Variants in MAPK10 observed in about 807,000 individuals in gnomAD.
MAPK10 encodes mitogen-activated protein kinase 10.
In MAPK10, 25 loss-of-function variants were observed where a neutral mutation model predicts 59.3. The ratio of observed to expected loss-of-function variants is 0.42; its 90% CI spans 0.31 to 0.59. MAPK10 has a LOEUF of 0.59. Ranked by LOEUF, MAPK10 falls within the 20% of genes least tolerant of loss-of-function variation. The pLI is 0.15. For missense variants in MAPK10, 351 were observed against 568.9 expected (o/e 0.62, Z 3.90); for synonymous variants, 190 against 200.5 (o/e 0.95, Z 0.44).
intron 1 of MAPK10, among the ~76,000 whole-genome samples, chr4:86,502,165 T>C (rs1485676844): frequency 6.6e-6 from 1 of 152,034 alleles, no homozygotes; most frequent in Non-Finnish European, 1.5e-5. Flanking sequence ...TCTCCATTTT[T>C]TTTCCTCCTC....
At chr4:86,250,159 T>C (rs2093337850) in intron 2 of MAPK10, among the ~76,000 whole-genome samples, 1 of 152,210 alleles carries the variant, frequency 6.6e-6, no homozygotes, top group Admixed American at 6.5e-5. Context: ...CTCATAGGAA[T>C]GCCGATCTTT....
At chr4:86,085,272 T>C (rs1200030376) in intron 9 of MAPK10, among the ~76,000 whole-genome samples, 1 of 152,126 alleles carries the variant, frequency 6.6e-6, no homozygotes, top group Non-Finnish European at 1.5e-5. Flanking sequence ...TAAAAACTTC[T>C]GCACAGCAAA....
chr4:86,023,955 G>A (rs1560635229), intron 13 of MAPK10: 1 of 150,582 alleles, frequency 6.6e-6, no homozygotes, highest in Admixed American at 6.6e-5. Flanking sequence ...CTGGTTTTAT[G>A]AGAAAATAAC....
At position 86,064,279 on chromosome 4, in the gene MAPK10, G is replaced by A. The variant is rs1342852403; in HGVS notation, c.1097C>T (p.Ala366Val). ...HPYINVWYDPAEVEAPPPQIY... is the reference protein window; with the variant it reads ...HPYINVWYDPVEVEAPPPQIY... ...CCTATTTCTTACCGCCTCCACTTCG[G>A]CTGGGTCATACCAGACGTTGATGTA... The change falls in exon 11 of 14, where the codon GCC becomes GTC. Residue 366 changes from alanine to valine, a missense_variant. By Grantham distance (64) the Ala-to-Val change is moderately conservative. Transcript: ENST00000641462. 6.2e-7 allele frequency: 1 copy of A among 1,613,918 alleles called. No individual in the cohort carries two copies. The highest frequency in any genetic ancestry group is 8.5e-7 in the Non-Finnish European group (1 of 1,179,986).
chr4:86,456,192 T>C (rs746761831), upstream of MAPK10, among the ~76,000 whole-genome samples: 9 of 152,126 alleles, frequency 5.9e-5, no homozygotes, highest in Non-Finnish European at 1.0e-4. Flanking sequence ...TCTAAATGCC[T>C]ACATAAAAAT....
In MAPK10 at chr4:86,131,302, G is replaced by A. The variant is rs371305941; in HGVS notation, c.237-23950C>T. 2.0e-5 allele frequency among the ~76,000 whole-genome samples: 3 copies of A among 152,214 alleles called. No homozygotes were observed. In the East Asian group the frequency reaches 5.8e-4, roughly 29 times the overall value. ...TTTGTTTTTATTATCTAGCTAACAG[G>A]CATACAGACAGTTTAAGTGTTTAAG... On this transcript the variant is annotated intron_variant, in intron 4 of 13. Coordinates refer to ENST00000641462, the MANE Select transcript of MAPK10 (RefSeq NM_138982.4).
At chr4:86,435,259 G>A (rs1467885630) in intron 1 of MAPK10, among the ~76,000 whole-genome samples, 1 of 152,134 alleles carries the variant, frequency 6.6e-6, no homozygotes, top group African/African-American at 2.4e-5. Flanking sequence ...CACTTTGGGA[G>A]GCTGAGGCGG....
At chr4:86,233,939 G>A (rs1264189919) in intron 2 of MAPK10, among the ~76,000 whole-genome samples, 1 of 152,180 alleles carries the variant, frequency 6.6e-6, no homozygotes, top group Non-Finnish European at 1.5e-5. Flanking sequence ...ATTCTAGATA[G>A]GACTTGCAGT....
intron 1 of MAPK10, among the ~76,000 whole-genome samples, chr4:86,376,914 T>G (rs751764926): frequency 6.6e-6 from 1 of 152,208 alleles, no homozygotes; most frequent in Non-Finnish European, 1.5e-5. Context: ...AAAACCTCTG[T>G]GGGGAAGTCT....
intron 1 of MAPK10, among the ~76,000 whole-genome samples, chr4:86,394,530 T>C (rs1742660919): frequency 1.3e-5 from 2 of 152,286 alleles, no homozygotes; most frequent in African/African-American, 4.8e-5. Flanking sequence ...AAATAATATT[T>C]AAAATAATTT....
At chr4:86,157,045 A>G (rs761000337) in intron 4 of MAPK10, among the ~76,000 whole-genome samples, 27 of 152,022 alleles carry the variant, frequency 1.8e-4, no homozygotes, top group Non-Finnish European at 7.4e-5. Context: ...CTCAACATTG[A>G]CATTTTTGAC....
chr4:86,548,765 A>C (rs1051995408), intron 1 of MAPK10, among the ~76,000 whole-genome samples: 19 of 152,036 alleles, frequency 1.2e-4, no homozygotes, highest in African/African-American at 4.6e-4. Flanking sequence ...TGCCACTCTG[A>C]CCCTGGTGAT....
upstream of MAPK10, among the ~76,000 whole-genome samples, chr4:86,454,149 C>G (rs907698193): frequency 1.3e-5 from 2 of 152,170 alleles, no homozygotes; most frequent in Non-Finnish European, 2.9e-5. Flanking sequence ...TCTGACAGAG[C>G]CTACCCAAAT....
chr4:86,210,651 T>C (rs2085507482), intron 2 of MAPK10, among the ~76,000 whole-genome samples: 1 of 151,340 alleles, frequency 6.6e-6, no homozygotes, highest in South Asian at 2.1e-4. Flanking sequence ...AATTAAAAAC[T>C]TTAAAAGGAA....
At chr4:86,105,976 C>T (rs1450654031) in intron 5 of MAPK10, among the ~76,000 whole-genome samples, 1 of 152,098 alleles carries the variant, frequency 6.6e-6, no homozygotes, top group Non-Finnish European at 1.5e-5. Flanking sequence ...ACACATTGAC[C>T]TGTCTTATTG....
chr4:86,518,035 G>A (rs1026853868), intron 1 of MAPK10, among the ~76,000 whole-genome samples: 5 of 151,892 alleles, frequency 3.3e-5, no homozygotes, highest in African/African-American at 4.8e-5. Flanking sequence ...GTTTTGTTTT[G>A]TTTTTTGAAC....
chr4:86,408,417 G>A (rs985973147), intron 1 of MAPK10, among the ~76,000 whole-genome samples: 3 of 152,138 alleles, frequency 2.0e-5, no homozygotes, highest in Non-Finnish European at 4.4e-5. Flanking sequence ...TATATACCCA[G>A]TCATGAGATC....
At chr4:86,096,962 C>T (rs372086793) in intron 9 of MAPK10, among the ~76,000 whole-genome samples, 6 of 151,766 alleles carry the variant, frequency 4.0e-5, no homozygotes, top group Non-Finnish European at 8.8e-5. Flanking sequence ...ATCTTCTAGA[C>T]CAGCACTGTC....
At chr4:86,287,307 AGTTTTCT>A (rs1415891669) in intron 2 of MAPK10, among the ~76,000 whole-genome samples, 2 of 152,190 alleles carry the variant, frequency 1.3e-5, no homozygotes, top group Non-Finnish European at 2.9e-5. Context: ...TCTAGTTTTC[AGTTTTCT>A]AAGTACATAT....
Sources: allele counts gnomAD v4.1 joint callset (sites outside exome capture counted in the v4.1 genomes callset), GRCh38; gene constraint gnomAD v4.1.1; transcripts MANE v1.5; gene names NCBI Gene and HGNC (gene_info 2026-07-23, HGNC 2026-07-21).